FSHR: variants seen among roughly 807,000 people sequenced by gnomAD.
FSHR encodes follicle-stimulating hormone receptor.
A neutral mutation model predicts 52.1 loss-of-function variants in FSHR; 46 were observed. That is an observed-to-expected ratio of 0.88 (90% confidence interval 0.70 to 1.13). The LOEUF (loss-of-function observed/expected upper bound fraction) is 1.13, where lower values mean the gene tolerates loss of function less well. Among genes scored for constraint, FSHR ranks in the 50% most tolerant of loss-of-function variants. The probability of loss-of-function intolerance (pLI) is 0.00; values close to 1 mark genes in which losing one functional copy is unlikely to be tolerated. For synonymous variants in FSHR, 399 were observed against 309.6 expected (o/e 1.29, Z -3.03); for missense variants, 964 against 834.6 (o/e 1.16, Z -1.91).
intron 4 of FSHR, among the ~76,000 whole-genome samples, chr2:48,990,839 G>T (rs1056214957): frequency 8.0e-5 from 12 of 150,724 alleles, no homozygotes; most frequent in African/African-American, 2.7e-4. Flanking sequence ...ATTCCTCAGA[G>T]AAAAGAAACT....
intron 1 of FSHR, among the ~76,000 whole-genome samples, chr2:49,079,722 C>T (rs761461533): frequency 5.3e-5 from 8 of 151,974 alleles, no homozygotes; most frequent in Non-Finnish European, 8.8e-5. Flanking sequence ...CTTATTACCA[C>T]ATTAAATCTC....
rs115295323 is a variant in FSHR, at chr2:48,986,659, A to G, written c.524+2318T>C. On this transcript the variant is annotated intron_variant, in intron 6 of 9. Coordinates refer to ENST00000406846, the MANE Select transcript of FSHR (RefSeq NM_000145.4). ...CCTTTCCTGAAAAGTGTGTTCCTAA[A>G]TTCTGAGAGATCAGTGTCCATGAAC... Among the ~76,000 whole-genome samples, 32 of 152,314 alleles carry G rather than the reference A, an allele frequency of 2.1e-4. No individual in the cohort carries two copies. The South Asian group carries it at 2.5e-3, about 12-fold the overall frequency.
At position 49,083,478 on chromosome 2, in the gene FSHR, A is replaced by G. The variant is rs1670253934; in HGVS notation, c.153-15188T>C. ...CAGCTAACATCATAATGACAGGATC[A>G]AATTCACACATAACAATATTAACTT... On this transcript the variant is annotated intron_variant, in intron 1 of 9. Transcript: ENST00000406846. 1.3e-5 allele frequency among the ~76,000 whole-genome samples: 2 copies of G among 149,182 alleles called. 1 individual carries two copies. The highest frequency in any genetic ancestry group is 4.4e-4 in the South Asian group (2 of 4,524).
intron 1 of FSHR, among the ~76,000 whole-genome samples, chr2:49,139,010 C>A (rs1056989954): frequency 1.3e-5 from 2 of 152,046 alleles, no homozygotes; most frequent in African/African-American, 4.8e-5. Context: ...TAGGCTTTGT[C>A]AATAACGGAC....
intron 2 of FSHR, among the ~76,000 whole-genome samples, chr2:49,064,885 G>T (rs956927607): frequency 6.6e-6 from 1 of 152,168 alleles, no homozygotes; most frequent in Non-Finnish European, 1.5e-5. Flanking sequence ...AGAAAAGTAA[G>T]CATTTCATCT....
At chr2:49,114,376 C>T (rs1194543461) in intron 1 of FSHR, among the ~76,000 whole-genome samples, 2 of 152,284 alleles carry the variant, frequency 1.3e-5, no homozygotes, top group African/African-American at 2.4e-5. Flanking sequence ...ATTGCTTTTA[C>T]ATAACATGTC....
chr2:49,029,458 T>C (rs1215994335), intron 2 of FSHR, among the ~76,000 whole-genome samples: 2 of 152,192 alleles, frequency 1.3e-5, no homozygotes, highest in East Asian at 3.9e-4. Flanking sequence ...GCTCTAGAAA[T>C]GCAAAGCTGC....
At position 49,145,793 on chromosome 2, in the gene FSHR, T is replaced by C. The variant is rs115437458; in HGVS notation, c.152+8473A>G. On this transcript the variant is annotated intron_variant, in intron 1 of 9. Coordinates refer to ENST00000406846, the MANE Select transcript of FSHR (RefSeq NM_000145.4). Reference sequence around the variant, plus strand: ...TGCCTAATATAGAACCTTGAACATATATAATTAATAAATATTTGCTGTTCA... The same window carrying C: ...TGCCTAATATAGAACCTTGAACATACATAATTAATAAATATTTGCTGTTCA... Among the ~76,000 whole-genome samples the C allele has an allele frequency of 7.9e-3, 1,205 of 152,188 alleles. 12 individuals carry two copies. Among genetic ancestry groups the C allele is most frequent in the South Asian group, 0.016 (75 of 4,822 alleles).
At chr2:49,127,895 C>CTTTTTTT (rs750861663) in intron 1 of FSHR, among the ~76,000 whole-genome samples, 2 of 22,212 alleles carry the variant, frequency 9.0e-5, no homozygotes, top group Non-Finnish European at 7.6e-5. Context: ...TCTTCTTCTT[C>CTTTTTTT]TTCTTTTTTT....
Position 49,154,124 on chromosome 2 carries a change from GAGTT to G in FSHR, c.152+138_152+141del, listed in dbSNP as rs766231021. 250 of 842,224 alleles carry G rather than the reference GAGTT, an allele frequency of 3.0e-4. 1 individual carries two copies. Among genetic ancestry groups the G allele is most frequent in the Non-Finnish European group, 4.0e-4 (203 of 502,656 alleles). The allele number at this position is 842,224 out of a possible 1,614,324, so 52.2% of individuals were successfully genotyped here. A position where few individuals can be genotyped will look rare whatever the true frequency, so the allele number is the denominator to read the frequency against. Reference sequence around the variant, plus strand: ...CCACAGGCAGGAGGGTTGGGCTGGGGAGTTAGTTGTTTTATTCAGGACTTCGGTC... The same window carrying G: ...CCACAGGCAGGAGGGTTGGGCTGGGGAGTTGTTTTATTCAGGACTTCGGTC... On this transcript the variant is annotated intron_variant, in intron 1 of 9. Coordinates refer to ENST00000406846, the MANE Select transcript of FSHR (RefSeq NM_000145.4).
intron 2 of FSHR, among the ~76,000 whole-genome samples, chr2:49,060,634 C>G (rs1669252067): frequency 6.6e-6 from 1 of 152,178 alleles, no homozygotes; most frequent in African/African-American, 2.4e-5. Flanking sequence ...CTGCATATTC[C>G]AAGGCTGAGC....
chr2:49,032,569 C>T (rs1668136309), intron 2 of FSHR, among the ~76,000 whole-genome samples: 1 of 152,196 alleles, frequency 6.6e-6, no homozygotes, highest in South Asian at 2.1e-4. Flanking sequence ...GACTGACTTT[C>T]AATGTTTCCT....
At chr2:49,127,876 TCTTCTTCTTCTTCTTC>T (rs1558456979) in intron 1 of FSHR, among the ~76,000 whole-genome samples, 3 of 48,974 alleles carry the variant, frequency 6.1e-5, no homozygotes, top group East Asian at 8.8e-4. Context: ...TTCTTCTTCT[TCTTCTTCTTCTTCTTC>T]TTCTTCTTTT....
chr2:48,963,609 C>G lies in FSHR; in HGVS notation c.1212G>C (p.Leu404=), dbSNP rs771401071. The G allele has an allele frequency of 1.9e-6, 3 of 1,614,132 alleles. No homozygotes were observed. In the East Asian group the frequency reaches 6.7e-5, roughly 36 times the overall value. Residue 404 remains leucine, a synonymous_variant, in exon 10 of 10, where the codon CTG becomes CTC. Coordinates refer to ENST00000406846, the MANE Select transcript of FSHR (RefSeq NM_000145.4). The part of the protein sequence containing the change: ...LTVPRFLMCN[L]AFADLCIGIY... ...TTCCAATGCAGAGATCAGCAAAGGC[C>G]AGGTTGCACATAAGGAACCTGGGGA...
At chr2:49,006,044 T>G (rs1421395994) in intron 4 of FSHR, among the ~76,000 whole-genome samples, 1 of 152,116 alleles carries the variant, frequency 6.6e-6, no homozygotes, top group Non-Finnish European at 1.5e-5. Context: ...TCAGGCTGGA[T>G]ACTTCCTGTC....
chr2:48,970,714 T>C (rs562620927), intron 8 of FSHR, among the ~76,000 whole-genome samples: 1 of 152,332 alleles, frequency 6.6e-6, no homozygotes, highest in Admixed American at 6.5e-5. Context: ...AGTTGTTCTT[T>C]GAACTCCACC....
intron 2 of FSHR, among the ~76,000 whole-genome samples, chr2:49,025,211 C>G (rs1667875724): frequency 6.6e-6 from 1 of 152,146 alleles, no homozygotes; most frequent in African/African-American, 2.4e-5. Flanking sequence ...GAGTGGAGAA[C>G]TAATTCAACA....
At chr2:48,976,137 C>G (rs960514591) in intron 8 of FSHR, among the ~76,000 whole-genome samples, 2 of 152,104 alleles carry the variant, frequency 1.3e-5, no homozygotes, top group African/African-American at 4.8e-5. Flanking sequence ...ATAAATAGCT[C>G]TTATTATTTT....
At chr2:49,084,971 C>A (rs553361483) in intron 1 of FSHR, among the ~76,000 whole-genome samples, 39 of 151,880 alleles carry the variant, frequency 2.6e-4, no homozygotes, top group Admixed American at 4.6e-4. Context: ...TAGAAAAAGA[C>A]GGAATCCTCC....
Sources: gnomAD v4.1 joint callset for allele counts (sites outside exome capture counted in the v4.1 genomes callset) on GRCh38, gnomAD v4.1.1 for gene constraint, MANE v1.5 for transcripts, NCBI Gene and HGNC (gene_info 2026-07-23, HGNC 2026-07-21) for gene names.